Variants in COL26A1 observed in about 807,000 individuals in gnomAD.
COL26A1 encodes collagen type XXVI alpha 1 chain.
In COL26A1, 41 loss-of-function variants were observed where a neutral mutation model predicts 59.3. That is an observed-to-expected ratio of 0.69 (90% CI 0.54 to 0.90). The LOEUF (loss-of-function observed/expected upper bound fraction) is 0.90, where lower values mean the gene tolerates loss of function less well. COL26A1 is among the 40% of genes least tolerant of loss of function. The pLI, the probability that COL26A1 is intolerant of heterozygous loss-of-function variation, is 0.00. For missense variants in COL26A1, 612 were observed against 602.3 expected (o/e 1.02, Z -0.17); for synonymous variants, 266 against 256.0 (o/e 1.04, Z -0.37).
At chr7:101,461,347 G>C (rs1009581673) in intron 3 of COL26A1, among the ~76,000 whole-genome samples, 2 of 150,524 alleles carry the variant, frequency 1.3e-5, no homozygotes, top group Non-Finnish European at 2.9e-5. Context: ...TGTGCAGGCT[G>C]GTGTGTAATG....
chr7:101,454,877 G>A (rs993123327), intron 3 of COL26A1, among the ~76,000 whole-genome samples: 1 of 152,052 alleles, frequency 6.6e-6, no homozygotes, highest in African/African-American at 2.4e-5. Context: ...TGAAATCAGA[G>A]GCTCAAAGGA....
In COL26A1 at chr7:101,557,531, G is replaced by A. The variant is rs764358823; in HGVS notation, c.*1G>A. 6.2e-7 allele frequency: 1 copy of A among 1,604,930 alleles called. No individual in the cohort carries two copies. The highest frequency in any genetic ancestry group is 2.2e-5 in the East Asian group (1 of 44,676). Reference sequence around the variant, plus strand: ...GGACCAGGCCAGCAGCAGGAAGTGAGAGCCCACTGCTCCAGGACACCCTGT... The same window carrying A: ...GGACCAGGCCAGCAGCAGGAAGTGAAAGCCCACTGCTCCAGGACACCCTGT... On this transcript the variant is annotated 3_prime_UTR_variant, in exon 13 of 13. Coordinates refer to ENST00000313669, the MANE Select transcript of COL26A1 (RefSeq NM_001278563.3).
chr7:101,553,301 G>A, intron 10 of COL26A1, 25 bp from the exon 11 acceptor site: 1 of 1,612,390 alleles, frequency 6.2e-7, no homozygotes, highest in Non-Finnish European at 8.5e-7. Context: ...CCGTTCCAGT[G>A]TTGACTGTGT....
intron 1 of COL26A1, among the ~76,000 whole-genome samples, chr7:101,406,053 G>A (rs575531670): frequency 6.6e-6 from 1 of 152,298 alleles, no homozygotes; most frequent in East Asian, 1.9e-4. Context: ...CTCCTCCCCG[G>A]ATGGAAATCC....
chr7:101,520,246 G>A (rs1795111695), intron 3 of COL26A1, among the ~76,000 whole-genome samples: 1 of 152,068 alleles, frequency 6.6e-6, no homozygotes, highest in Non-Finnish European at 1.5e-5. Context: ...CTCAGGGTAC[G>A]CTCTTGAGTC....
intron 3 of COL26A1, among the ~76,000 whole-genome samples, chr7:101,481,426 T>TAA (rs1328200773): frequency 6.9e-6 from 1 of 144,050 alleles, no homozygotes; most frequent in East Asian, 2.0e-4. Context: ...TATATATATA[T>TAA]AATTATATAG....
intron 12 of COL26A1, among the ~76,000 whole-genome samples, 168 bp downstream of exon 12, chr7:101,556,039 A>G (rs995869133): frequency 6.6e-6 from 1 of 151,598 alleles, no homozygotes; most frequent in Non-Finnish European, 1.5e-5. Context: ...GCTGCCCTTG[A>G]CAGACTTCCA....
At chr7:101,417,574 A>G (rs1177943577) in intron 1 of COL26A1, among the ~76,000 whole-genome samples, 2 of 147,444 alleles carry the variant, frequency 1.4e-5, no homozygotes, top group South Asian at 2.2e-4. Context: ...TATCATATCT[A>G]TGTATCTCTA....
chr7:101,448,756 T>G (rs1477400656), intron 3 of COL26A1, among the ~76,000 whole-genome samples: 1 of 152,194 alleles, frequency 6.6e-6, no homozygotes, highest in Non-Finnish European at 1.5e-5. Flanking sequence ...CCTCCCAAAG[T>G]GCTGGGATTA....
chr7:101,407,857 C>T (rs549326838), intron 1 of COL26A1, among the ~76,000 whole-genome samples: 1 of 152,106 alleles, frequency 6.6e-6, no homozygotes, highest in African/African-American at 2.4e-5. Flanking sequence ...ACCACTTAAT[C>T]ATATGCAAAT....
chr7:101,500,863 C>T (rs1794689475), intron 3 of COL26A1, among the ~76,000 whole-genome samples: 2 of 151,638 alleles, frequency 1.3e-5, no homozygotes, highest in Non-Finnish European at 1.5e-5. Context: ...AAGAAAAGTG[C>T]CGTGATTGTC....
intron 3 of COL26A1, among the ~76,000 whole-genome samples, chr7:101,495,740 C>T (rs1301228252): frequency 6.6e-6 from 1 of 150,762 alleles, no homozygotes; most frequent in African/African-American, 2.4e-5. Context: ...TTTTTGCCAC[C>T]ACATCTGGCA....
In COL26A1 at chr7:101,479,654, A is replaced by C. The variant is rs530687965; in HGVS notation, c.385+31867A>C. 2.6e-5 allele frequency among the ~76,000 whole-genome samples: 4 copies of C among 152,286 alleles called. No individual in the cohort carries two copies. The South Asian group carries it at 8.3e-4, about 32-fold the overall frequency. On this transcript the variant is annotated intron_variant, in intron 3 of 12. Transcript: ENST00000313669. ...GTAAATCTTGAATCCTTGATACATG[A>C]GGATCCACATATTTTTAAATCAATT...
At chr7:101,386,799 T>TGAG (rs1791586926) in intron 1 of COL26A1, among the ~76,000 whole-genome samples, 1 of 151,994 alleles carries the variant, frequency 6.6e-6, no homozygotes, top group Non-Finnish European at 1.5e-5. Context: ...AGACCCAATG[T>TGAG]GAGGGTCCAG....
intron 3 of COL26A1, among the ~76,000 whole-genome samples, chr7:101,458,526 T>TAC (rs2130416993): frequency 6.6e-6 from 1 of 152,062 alleles, no homozygotes; most frequent in South Asian, 2.1e-4. Flanking sequence ...TAATCCCAGC[T>TAC]ACTTGGGAGG....
intron 3 of COL26A1, among the ~76,000 whole-genome samples, chr7:101,512,213 G>A (rs1277803732): frequency 6.6e-6 from 1 of 152,108 alleles, no homozygotes; most frequent in Non-Finnish European, 1.5e-5. Context: ...TGCTGAGTTA[G>A]GGCTATGACT....
intron 3 of COL26A1, among the ~76,000 whole-genome samples, chr7:101,532,434 G>A (rs927620407): frequency 2.0e-5 from 3 of 152,074 alleles, no homozygotes; most frequent in Admixed American, 6.5e-5. Flanking sequence ...TTCTGAGTTG[G>A]CCAACCTGCC....
intron 3 of COL26A1, among the ~76,000 whole-genome samples, chr7:101,508,764 C>T (rs1794863667): frequency 6.6e-6 from 1 of 152,186 alleles, no homozygotes; most frequent in South Asian, 2.1e-4. Flanking sequence ...TGTCATTTCA[C>T]ATGTGGAAGT....
chr7:101,525,419 G>T (rs1188286438), intron 3 of COL26A1, among the ~76,000 whole-genome samples: 2 of 151,136 alleles, frequency 1.3e-5, no homozygotes, highest in Non-Finnish European at 2.9e-5. Context: ...CTGAAGTCGT[G>T]ATCTGCCCTC....
Sources: gnomAD v4.1 joint callset for allele counts (sites outside exome capture counted in the v4.1 genomes callset) on GRCh38, gnomAD v4.1.1 for gene constraint, MANE v1.5 for transcripts, NCBI Gene and HGNC (gene_info 2026-07-23, HGNC 2026-07-21) for gene names.